SPTBN4: variants seen among roughly 807,000 people sequenced by gnomAD.
SPTBN4 encodes the protein spectrin beta chain, non-erythrocytic 4.
A neutral mutation model predicts 277.8 loss-of-function variants in SPTBN4; 96 were observed. The observed-to-expected ratio is 0.35, with a 90% CI of 0.29 to 0.41. The LOEUF (loss-of-function observed/expected upper bound fraction) is 0.41. SPTBN4 is among the 10% of genes least tolerant of loss of function. The pLI is 1.00. For synonymous variants in SPTBN4, 1,481 were observed against 1,580.3 expected (o/e 0.94, Z 1.49); for missense variants, 3,006 against 3,595.7 (o/e 0.84, Z 4.19).
chr19:40,536,594 T>C (rs552295263), intron 20 of SPTBN4, among the ~76,000 whole-genome samples: 2 of 152,230 alleles, frequency 1.3e-5, no homozygotes, highest in African/African-American at 2.4e-5. Flanking sequence ...TTAAACCGCA[T>C]TGAGATCCTT....
intron 3 of SPTBN4, among the ~76,000 whole-genome samples, chr19:40,489,228 A>AAAAGAAAG (rs1555810978): frequency 0.096 from 13,587 of 141,486 alleles, 831 homozygotes; most frequent in South Asian, 0.2. Context: ...AAAAAAAAAA[A>AAAAGAAAG]AAAGAAAGAA....
At chr19:40,494,390 T>C (rs965785128) in intron 5 of SPTBN4, among the ~76,000 whole-genome samples, 1 of 150,534 alleles carries the variant, frequency 6.6e-6, no homozygotes, top group African/African-American at 2.4e-5. Context: ...GTCTATATCT[T>C]GCTCTCTCCC....
chr19:40,513,537 C>A lies in SPTBN4; in HGVS notation c.2748C>A (p.Val916=). ...SMRVPDSLDD[V]EVVQHRFESL... is the part of the protein sequence containing the mutation. ...GTGTGCCGGATTCACTCGACGACGT[C>A]GAGGTGGTGCAGCACCGGTGAGCGC... The change falls in exon 14 of 36, where the codon GTC becomes GTA. Residue 916 remains valine (V), a synonymous_variant. Coordinates refer to ENST00000598249, the MANE Select transcript of SPTBN4 (RefSeq NM_020971.3). 6.3e-7 allele frequency: 1 copy of A among 1,581,926 alleles called. No individual in the cohort carries two copies. The highest frequency in any genetic ancestry group is 8.6e-7 in the Non-Finnish European group (1 of 1,169,284).
At chr19:40,522,019 A>T (rs143685201) in intron 16 of SPTBN4, among the ~76,000 whole-genome samples, 113 of 152,128 alleles carry the variant, frequency 7.4e-4, no homozygotes, top group African/African-American at 2.4e-3. Context: ...TTCACACAGT[A>T]CCCAGTTTAG....
At chr19:40,485,989 A>C (rs926335711) in intron 2 of SPTBN4, among the ~76,000 whole-genome samples, 1 of 151,774 alleles carries the variant, frequency 6.6e-6, no homozygotes, top group Non-Finnish European at 1.5e-5. Context: ...AAAAAAAAAA[A>C]AAAACAGTAG....
At chr19:40,468,503 A>T (rs2079851437) in intron 1 of SPTBN4, among the ~76,000 whole-genome samples, 2 of 152,100 alleles carry the variant, frequency 1.3e-5, no homozygotes, top group Non-Finnish European at 1.5e-5. Context: ...CAGCCTCCCA[A>T]GTAACTGGGA....
Position 40,556,277 on chromosome 19 carries a change from G to A in SPTBN4, c.5278G>A (p.Glu1760Lys). ...CTCACCCGAGCTCGGCCAGGACTTT[G>A]AGCATGTCTCGGTGAGCATCATTAG... ...AGSPELGQDF[E>K]HVSVLQEKFS... Residue 1760 changes from glutamate to lysine, a missense_variant, in exon 25 of 36, where the codon GAG becomes AAG. Physicochemically the swap from Glu to Lys is moderately conservative, Grantham distance 56. This residue lies in a region of SPTBN4 where 425 missense variants were observed against 594.7 expected (regional missense o/e 0.71). Coordinates refer to ENST00000598249, the MANE Select transcript of SPTBN4 (RefSeq NM_020971.3). 1 of 1,612,630 alleles carries A rather than the reference G, an allele frequency of 6.2e-7. No individual in the cohort carries two copies. Among genetic ancestry groups the A allele is most frequent in the Non-Finnish European group, 8.5e-7 (1 of 1,179,378 alleles).
chr19:40,518,832 G>C (rs1192191318), intron 15 of SPTBN4, among the ~76,000 whole-genome samples: 1 of 152,142 alleles, frequency 6.6e-6, no homozygotes, highest in African/African-American at 2.4e-5. Context: ...CGAATTGGAG[G>C]CTTCAGTGTG....
Position 40,532,711 on chromosome 19 carries a change from G to T in SPTBN4, c.4035G>T (p.Arg1345=), listed in dbSNP as rs780656786. The T allele has an allele frequency of 5.6e-6, 9 of 1,613,438 alleles. No homozygotes were observed. Among genetic ancestry groups the T allele is most frequent in the Non-Finnish European group, 7.6e-6 (9 of 1,179,606 alleles). ...DNHKLHKRWL[R]HQAFMAELAQ... is the part of the protein sequence containing the mutation. ...ACAAGCTGCATAAGAGATGGCTCCG[G>T]CACCAGGCATTCATGGCCGAGCTGG... Residue 1345 remains arginine, a synonymous_variant, in exon 19 of 36, where the codon CGG becomes CGT. Transcript: ENST00000598249.
intron 6 of SPTBN4, among the ~76,000 whole-genome samples, chr19:40,497,132 T>C (rs1233889520): frequency 6.6e-6 from 1 of 150,452 alleles, no homozygotes; most frequent in African/African-American, 2.5e-5. Flanking sequence ...ACATAAGGGC[T>C]GTACACACTC....
intron 21 of SPTBN4, 106 bp downstream of exon 21, chr19:40,549,519 C>A: frequency 2.2e-6 from 2 of 895,728 alleles, no homozygotes; most frequent in Non-Finnish European, 3.2e-6. Flanking sequence ...CCCTCCCACT[C>A]ATACGCTGAA....
chr19:40,479,315 T>C (rs896910305), intron 2 of SPTBN4, among the ~76,000 whole-genome samples: 3 of 152,018 alleles, frequency 2.0e-5, no homozygotes, highest in Non-Finnish European at 2.9e-5. Context: ...TTAAGGAAAA[T>C]TGTTTGGACC....
chr19:40,529,692 C>T (rs2145892608), intron 18 of SPTBN4, among the ~76,000 whole-genome samples: 1 of 152,226 alleles, frequency 6.6e-6, no homozygotes, highest in South Asian at 2.1e-4. Context: ...GCTGTCTTCC[C>T]CTCCTTCCCT....
Position 40,554,673 on chromosome 19 carries a change from G to C in SPTBN4, c.5084+27G>C. ...TGGGCGGGCGCGTGGCCAGTTCACAGGAATGGTCCAGCAGGACCTGAAGCT... is the reference window on the plus strand; with the variant it reads ...TGGGCGGGCGCGTGGCCAGTTCACACGAATGGTCCAGCAGGACCTGAAGCT... On this transcript the variant is annotated intron_variant, in intron 24 of 35. Transcript: ENST00000598249. The surrounding 1 kb of genome is among the most constrained non-coding windows in gnomAD (Gnocchi z 5.7). 6.3e-7 allele frequency: 1 copy of C among 1,594,008 alleles called. No individual in the cohort carries two copies. Among genetic ancestry groups the C allele is most frequent in the Non-Finnish European group, 8.5e-7 (1 of 1,171,494 alleles).
At chr19:40,566,385 TACCCCC>T in intron 30 of SPTBN4, 26 bp downstream of exon 30, 2 of 1,486,534 alleles carry the variant, frequency 1.3e-6, no homozygotes, top group Non-Finnish European at 1.8e-6. Flanking sequence ...ACTGCCCCAT[TACCCCC>T]ACCCCCACCA....
rs770070612 is a variant in SPTBN4, at chr19:40,506,341, G to A, written c.1771G>A (p.Val591Met). ...EGDIAAQSER[V>M]EALNAAALRF... Reference sequence around the variant, plus strand: ...AGACATTGCCGCCCAGAGCGAGCGGGTGGAGGCTCTCAATGCCGCTGCCCT... The same window carrying A: ...AGACATTGCCGCCCAGAGCGAGCGGATGGAGGCTCTCAATGCCGCTGCCCT... The change falls in exon 13 of 36, where the codon GTG (valine) becomes ATG (methionine). Residue 591 changes from valine to methionine, a missense_variant. Val to Met is a conservative substitution (Grantham distance 21). Transcript: ENST00000598249. 4.3e-6 allele frequency: 7 copies of A among 1,614,074 alleles called. No homozygotes were observed. The highest frequency in any genetic ancestry group is 3.3e-5 in the South Asian group (3 of 91,068).
rs148811238 is a variant in SPTBN4 at position 40,500,918 on chromosome 19, T to C, written c.785-1003T>C. On this transcript the variant is annotated intron_variant, in intron 7 of 35. Transcript: ENST00000598249. ...AGAAAGGAAACAGGCATAGTGTTTG[T>C]CCTCATGAAGCTCAAGCTCTAGATA... Among the ~76,000 whole-genome samples, 3 of 152,162 alleles carry C rather than the reference T, an allele frequency of 2.0e-5. No individual in the cohort carries two copies. In the East Asian group the frequency reaches 5.8e-4, roughly 29 times the overall value.
intron 17 of SPTBN4, 85 bp from the exon 18 acceptor site, chr19:40,528,956 C>A: frequency 2.0e-6 from 2 of 1,009,892 alleles, no homozygotes; most frequent in Non-Finnish European, 3.1e-6. Flanking sequence ...TTCCCCTACC[C>A]AGCCCAGTGC....
intron 1 of SPTBN4, among the ~76,000 whole-genome samples, chr19:40,471,448 T>C (rs887859491): frequency 6.6e-6 from 1 of 152,238 alleles, no homozygotes; most frequent in African/African-American, 2.4e-5. Flanking sequence ...TTCATTATTG[T>C]TATTACTGCA....
Sources: allele counts gnomAD v4.1 joint callset (sites outside exome capture counted in the v4.1 genomes callset), GRCh38; gene constraint gnomAD v4.1.1; regional missense constraint gnomAD v4.1.1; non-coding constraint Gnocchi (gnomAD v3.1); transcripts MANE v1.5; gene names NCBI Gene and HGNC (gene_info 2026-07-23, HGNC 2026-07-21).